ICE1: variants seen among roughly 807,000 people sequenced by gnomAD.
The protein encoded by ICE1 is little elongation complex subunit 1.
A neutral mutation model predicts 192.7 loss-of-function variants in ICE1; 64 were observed. That is an observed-to-expected ratio of 0.33 (90% CI 0.27 to 0.41). The LOEUF is 0.41. Ranked by LOEUF, ICE1 falls within the 10% of genes least tolerant of loss-of-function variation. The probability of loss-of-function intolerance (pLI) is 1.00; values close to 1 mark genes in which losing one functional copy is unlikely to be tolerated. For synonymous variants in ICE1, 1,010 were observed against 984.5 expected (o/e 1.03, Z -0.49); for missense variants, 2,708 against 2,696.0 (o/e 1.00, Z -0.10).
intron 17 of ICE1, among the ~76,000 whole-genome samples, chr5:5,481,702 A>G (rs930589439): frequency 2.6e-5 from 4 of 152,250 alleles, no homozygotes; most frequent in African/African-American, 9.6e-5. Context: ...CAATGTTTTC[A>G]TCAGCAGTGG....
Position 5,461,860 on chromosome 5 carries a change from C to A in ICE1, c.2526C>A (p.Asn842Lys), listed in dbSNP as rs1344195418. The change falls in exon 13 of 19, where the codon AAC (asparagine) becomes AAA (lysine). Residue 842 changes from asparagine (N) to lysine (K), a missense_variant. By Grantham distance (94) the Asn-to-Lys change is moderately conservative (BLOSUM62 0). Transcript: ENST00000296564. ...TPKPDLLREN[N>K]NPVEFKTTAS... Reference sequence around the variant, plus strand: ...AGCCTGATCTTCTTAGAGAAAATAACAATCCTGTAGAATTCAAGACCACTG... The same window carrying A: ...AGCCTGATCTTCTTAGAGAAAATAAAAATCCTGTAGAATTCAAGACCACTG... 1 of 1,613,644 alleles carries A rather than the reference C, an allele frequency of 6.2e-7. No homozygotes were observed. Among genetic ancestry groups the A allele is most frequent in the Non-Finnish European group, 8.5e-7 (1 of 1,179,726 alleles).
Position 5,422,959 on chromosome 5 carries a change from C to A in ICE1, c.44C>A (p.Ala15Glu). 6.9e-7 allele frequency: 1 copy of A among 1,453,784 alleles called. No individual in the cohort carries two copies. Among genetic ancestry groups the A allele is most frequent in the Non-Finnish European group, 9.0e-7 (1 of 1,105,492 alleles). The allele number at this position is 1,453,784 out of a possible 1,614,324, so 90.1% of individuals were successfully genotyped here. A position where few individuals can be genotyped will look rare whatever the true frequency, so the allele number is the denominator to read the frequency against. Reference protein sequence around the residue: ...ETHSAAPGTAADLSRCQGCAS... With the variant: ...ETHSAAPGTAEDLSRCQGCAS... Reference sequence around the variant, plus strand: ...CATTCGGCGGCGCCCGGGACGGCGGCGGACCTGTCGCGATGTCAGGGCTGC... The same window carrying A: ...CATTCGGCGGCGCCCGGGACGGCGGAGGACCTGTCGCGATGTCAGGGCTGC... Residue 15 changes from alanine to glutamate, a missense_variant, in exon 1 of 19, where the codon GCG (alanine) becomes GAG (glutamate). Ala to Glu is a moderately radical substitution (Grantham distance 107). Coordinates refer to ENST00000296564, the MANE Select transcript of ICE1 (RefSeq NM_015325.3).
chr5:5,449,557 T>C (rs1738353434), intron 10 of ICE1, among the ~76,000 whole-genome samples: 1 of 151,958 alleles, frequency 6.6e-6, no homozygotes. Flanking sequence ...ATAGTATCAA[T>C]TGGTGATGAA....
rs571658170 is a variant in ICE1 at position 5,426,394 on chromosome 5, G to A, written c.84+3395G>A. Reference sequence around the variant, plus strand: ...TGGGAGGCCGAGGTTGCAGTGAGCCGAGATGGTGCCACCACTGCACTCCAG... The same window carrying A: ...TGGGAGGCCGAGGTTGCAGTGAGCCAAGATGGTGCCACCACTGCACTCCAG... On this transcript the variant is annotated intron_variant, in intron 1 of 18. Coordinates refer to ENST00000296564, the MANE Select transcript of ICE1 (RefSeq NM_015325.3). Among the ~76,000 whole-genome samples the A allele has an allele frequency of 9.3e-5, 14 of 150,786 alleles. 1 individual carries two copies. The highest frequency in any genetic ancestry group is 2.2e-4 in the African/African-American group (9 of 40,786).
rs190422068 is a variant in ICE1, at chr5:5,476,034, G to T, written c.6475G>T (p.Ala2159Ser). ...IKYRKGHANI[A>S]YTPDIIIASI... ...ATACAGAAAAGGACATGCAAACATT[G>T]CGTATACTCCTGATATTATTATAGC... Residue 2159 changes from alanine to serine, a missense_variant, in exon 17 of 19, where the codon GCG (alanine) becomes TCG (serine). Transcript: ENST00000296564. 8 of 1,610,946 alleles carry T rather than the reference G, an allele frequency of 5.0e-6. No individual in the cohort carries two copies. In the African/African-American group the frequency reaches 1.1e-4, roughly 22 times the overall value.
chr5:5,448,344 C>T (rs1262440671), intron 10 of ICE1, among the ~76,000 whole-genome samples: 3 of 152,030 alleles, frequency 2.0e-5, no homozygotes, highest in Non-Finnish European at 4.4e-5. Flanking sequence ...TTAGGGAAGG[C>T]CCACAATTGC....
In ICE1 at chr5:5,463,954, A is replaced by G. The variant is rs1367331875; in HGVS notation, c.4620A>G (p.Thr1540=). 3.1e-6 allele frequency: 5 copies of G among 1,613,848 alleles called. No homozygotes were observed. In the East Asian group the frequency reaches 6.7e-5, roughly 22 times the overall value. The stretch of plus-strand genomic sequence containing the variant: ...CTCAGATTGTTGCGTCTGATCACAC[A>G]TATTATAACTCAAAACTAGAGCCAT... The part of the protein sequence containing the change: ...FETQIVASDH[T]YYNSKLEPSG... Residue 1540 remains threonine (T), a synonymous_variant, in exon 13 of 19, where the codon ACA becomes ACG. Coordinates refer to ENST00000296564, the MANE Select transcript of ICE1 (RefSeq NM_015325.3).
chr5:5,462,592 C>G lies in ICE1; in HGVS notation c.3258C>G (p.Ser1086=). The G allele has an allele frequency of 6.2e-7, 1 of 1,613,910 alleles. No individual in the cohort carries two copies. The highest frequency in any genetic ancestry group is 1.1e-5 in the South Asian group (1 of 91,074). The change falls in exon 13 of 19, where the codon TCC becomes TCG. Residue 1086 remains serine, a synonymous_variant. Coordinates refer to ENST00000296564, the MANE Select transcript of ICE1 (RefSeq NM_015325.3). ...AACATGGAGAGACACAGGATACCTCCCAAAGTAGCCTGCCTGGTACCTTAC... is the reference window on the plus strand; with the variant it reads ...AACATGGAGAGACACAGGATACCTCGCAAAGTAGCCTGCCTGGTACCTTAC... ...CRKHGETQDT[S]QSSLPGTLHC...
At chr5:5,445,793 C>T (rs545554501) in intron 7 of ICE1, among the ~76,000 whole-genome samples, 101 of 151,250 alleles carry the variant, frequency 6.7e-4, no homozygotes, top group African/African-American at 2.2e-3. Context: ...AGTGCAGTGG[C>T]GTGATCTCGG....
intron 15 of ICE1, 99 bp from the exon 16 acceptor site, chr5:5,473,459 A>G: frequency 2.0e-6 from 2 of 977,940 alleles, no homozygotes; most frequent in Non-Finnish European, 3.0e-6. Flanking sequence ...AGATTAAATG[A>G]TTAGTCATCG....
chr5:5,440,814 G>T (rs982392336), intron 4 of ICE1, among the ~76,000 whole-genome samples: 1 of 151,874 alleles, frequency 6.6e-6, no homozygotes, highest in African/African-American at 2.4e-5. Context: ...TTGAGCCTGG[G>T]AGATTGAGGC....
intron 1 of ICE1, among the ~76,000 whole-genome samples, chr5:5,423,675 A>G (rs142108546): frequency 6.6e-6 from 1 of 152,278 alleles, no homozygotes; most frequent in African/African-American, 2.4e-5. Context: ...TCCAGATCTT[A>G]TGGGGTGGTA....
At chr5:5,471,556 T>A (rs1363832412) in intron 15 of ICE1, among the ~76,000 whole-genome samples, 1 of 152,108 alleles carries the variant, frequency 6.6e-6, no homozygotes, top group Non-Finnish European at 1.5e-5. Context: ...AAACAGGAGA[T>A]TTCAGTATGT....
chr5:5,488,661 GA>G (rs1212402980), intron 18 of ICE1, among the ~76,000 whole-genome samples: 2 of 142,766 alleles, frequency 1.4e-5, no homozygotes, highest in African/African-American at 5.2e-5. Context: ...TGTAGTTTTT[GA>G]AAGTATGGTA....
intron 18 of ICE1, 38 bp from the exon 19 acceptor site, chr5:5,489,111 T>A: frequency 6.3e-7 from 1 of 1,582,380 alleles, no homozygotes; most frequent in Non-Finnish European, 8.6e-7. Flanking sequence ...ATAACAGATA[T>A]TTTCTTGTTT....
chr5:5,476,037 T>A lies in ICE1; in HGVS notation c.6478T>A (p.Tyr2160Asn). 17 of 1,610,880 alleles carry A rather than the reference T, an allele frequency of 1.1e-5. No individual in the cohort carries two copies. The highest frequency in any genetic ancestry group is 1.4e-5 in the Non-Finnish European group (17 of 1,177,760). ...CAGAAAAGGACATGCAAACATTGCG[T>A]ATACTCCTGATATTATTATAGCCTC... is the stretch of plus-strand genomic sequence containing the variant. The part of the protein sequence containing the change: ...KYRKGHANIA[Y>N]TPDIIIASIL... The change falls in exon 17 of 19, where the codon TAT (tyrosine) becomes AAT (asparagine). Residue 2160 changes from tyrosine (Y) to asparagine (N), a missense_variant. Tyr to Asn is a moderately radical substitution (Grantham distance 143, BLOSUM62 -2). Transcript: ENST00000296564.
Position 5,473,667 on chromosome 5 carries a change from A to C in ICE1, c.6332A>C (p.Asp2111Ala). The change falls in exon 16 of 19, where the codon GAT becomes GCT. Residue 2111 changes from aspartate to alanine, a missense_variant. By Grantham distance (126) the Asp-to-Ala change is moderately radical. Transcript: ENST00000296564. The stretch of plus-strand genomic sequence containing the variant: ...GAAAAATTTGGTGAAGACCTAAGTG[A>C]TAACACTTGGGAATACATATTTGCC... Reference protein sequence around the residue: ...PSEKFGEDLSDNTWEYIFAID... With the variant: ...PSEKFGEDLSANTWEYIFAID... 6.2e-7 allele frequency: 1 copy of C among 1,613,334 alleles called. No homozygotes were observed. Among genetic ancestry groups the C allele is most frequent in the African/African-American group, 1.3e-5 (1 of 75,060 alleles).
At chr5:5,436,354 TACAGAC>T in intron 1 of ICE1, 58 bp from the exon 2 acceptor site, 1 of 947,822 alleles carries the variant, frequency 1.1e-6, no homozygotes, top group Non-Finnish European at 1.5e-6. Flanking sequence ...TAAATAATGT[TACAGAC>T]AATAATTATA....
At chr5:5,481,918 A>G (rs957582797) in intron 17 of ICE1, among the ~76,000 whole-genome samples, 3 of 152,174 alleles carry the variant, frequency 2.0e-5, no homozygotes, top group South Asian at 2.1e-4. Flanking sequence ...TGTTTGTGCA[A>G]GTGTACTCTA....
Sources: allele counts gnomAD v4.1 joint callset (sites outside exome capture counted in the v4.1 genomes callset), GRCh38; gene constraint gnomAD v4.1.1; transcripts MANE v1.5; gene names NCBI Gene and HGNC (gene_info 2026-07-23, HGNC 2026-07-21).